The following ARHGEF3 variants were observed in gnomAD, a reference collection of about 807,000 sequenced individuals.
ARHGEF3 encodes Rho guanine nucleotide exchange factor 3, also known as 59.8 kDA protein.
Under a neutral mutation model 63.2 loss-of-function variants are expected in ARHGEF3, and 28 were observed. The observed-to-expected ratio is 0.44, with a 90% confidence interval of 0.33 to 0.61. The LOEUF (loss-of-function observed/expected upper bound fraction) is 0.61, where lower values mean the gene tolerates loss of function less well. Ranked by LOEUF, ARHGEF3 falls within the 20% of genes least tolerant of loss-of-function variation. ARHGEF3 has a pLI of 0.03. For synonymous variants in ARHGEF3, 266 were observed against 254.2 expected (o/e 1.05, Z -0.44); for missense variants, 533 against 659.3 (o/e 0.81, Z 2.10).
chr3:56,928,265 T>C (rs1261910156), intron 3 of ARHGEF3, among the ~76,000 whole-genome samples: 3 of 152,160 alleles, frequency 2.0e-5, no homozygotes, highest in East Asian at 1.9e-4. Flanking sequence ...TGCCACATCA[T>C]TGCCACCTTA....
At chr3:56,779,622 C>T (rs1184272455) in intron 1 of ARHGEF3, among the ~76,000 whole-genome samples, 1 of 152,198 alleles carries the variant, frequency 6.6e-6, no homozygotes, top group African/African-American at 2.4e-5. Context: ...ATTCCTGCTT[C>T]TGCCTCTTCC....
At chr3:57,006,534 TC>T (rs1267096176) in intron 2 of ARHGEF3, among the ~76,000 whole-genome samples, 1 of 152,142 alleles carries the variant, frequency 6.6e-6, no homozygotes, top group Non-Finnish European at 1.5e-5. Context: ...ACAGGCAGCA[TC>T]CGGGGTGATC....
intron 2 of ARHGEF3, among the ~76,000 whole-genome samples, chr3:57,022,650 T>C (rs1703305564): frequency 6.6e-6 from 1 of 151,780 alleles, no homozygotes; most frequent in South Asian, 2.1e-4. Context: ...AGGCACTTAT[T>C]TTGCCTAGGC....
intron 3 of ARHGEF3, among the ~76,000 whole-genome samples, chr3:56,919,270 CAT>C (rs1300562701): frequency 2.6e-5 from 4 of 152,222 alleles, no homozygotes; most frequent in Non-Finnish European, 5.9e-5. Flanking sequence ...GTATGGGCCA[CAT>C]AACACAGTTG....
chr3:56,744,397 C>CGTT, intron 7 of ARHGEF3, among the ~76,000 whole-genome samples: 1 of 124,478 alleles, frequency 8.0e-6, no homozygotes, highest in African/African-American at 3.3e-5. Flanking sequence ...CTCAATAAAC[C>CGTT]TTTTTTTTTT....
intron 2 of ARHGEF3, chr3:57,007,486 C>G (rs1294877024): frequency 1.5e-6 from 1 of 681,984 alleles, no homozygotes; most frequent in East Asian, 6.7e-5. Flanking sequence ...TGGTTTTCTG[C>G]AGAACCTCCT....
chr3:56,749,250 G>A (rs2034585523), intron 6 of ARHGEF3, among the ~76,000 whole-genome samples: 1 of 152,182 alleles, frequency 6.6e-6, no homozygotes, highest in African/African-American at 2.4e-5. Flanking sequence ...CAATGGGCCA[G>A]CATGGTCACA....
chr3:57,014,351 C>T (rs1261995620), intron 2 of ARHGEF3, among the ~76,000 whole-genome samples: 1 of 152,180 alleles, frequency 6.6e-6, no homozygotes, highest in African/African-American at 2.4e-5. Context: ...AGTGCACAGC[C>T]TTAACCACTA....
At chr3:56,964,342 G>C (rs1700401990) in intron 2 of ARHGEF3, among the ~76,000 whole-genome samples, 1 of 116,212 alleles carries the variant, frequency 8.6e-6, no homozygotes, top group Non-Finnish European at 1.7e-5. Context: ...GAAAGAGCAA[G>C]ACTGTCTCAA....
intron 2 of ARHGEF3, among the ~76,000 whole-genome samples, chr3:56,756,545 CTTTTT>C: frequency 1.0e-5 from 1 of 100,056 alleles, no homozygotes; most frequent in East Asian, 3.1e-4. Context: ...TCATAGCTGG[CTTTTT>C]TTTTTTTTTT....
chr3:56,964,683 CT>C (rs897219141), intron 2 of ARHGEF3, among the ~76,000 whole-genome samples: 3 of 151,890 alleles, frequency 2.0e-5, no homozygotes, highest in African/African-American at 7.3e-5. Flanking sequence ...TGGCAAATTG[CT>C]TTTTTTTAAG....
chr3:56,954,696 A>G (rs1216948099), intron 3 of ARHGEF3, among the ~76,000 whole-genome samples: 1 of 152,186 alleles, frequency 6.6e-6, no homozygotes, highest in African/African-American at 2.4e-5. Flanking sequence ...TTAGACAAGC[A>G]TGGGAACTGA....
chr3:56,744,844 C>T (rs1405677772), intron 7 of ARHGEF3, among the ~76,000 whole-genome samples: 4 of 151,668 alleles, frequency 2.6e-5, no homozygotes, highest in Non-Finnish European at 4.4e-5. Flanking sequence ...TGGGGCTAGG[C>T]TAAAAGGCAA....
At chr3:56,966,366 G>A (rs538327166) in intron 2 of ARHGEF3, among the ~76,000 whole-genome samples, 2 of 152,244 alleles carry the variant, frequency 1.3e-5, no homozygotes, top group Non-Finnish European at 2.9e-5. Context: ...TGATTACATA[G>A]CTGGGGTGGT....
rs368006965 is a variant in ARHGEF3 at position 56,906,975 on chromosome 3, A to ATTTTTTT, written c.130-24628_130-24622dup. Among the ~76,000 whole-genome samples the ATTTTTTT allele has an allele frequency of 1.2e-3, 90 of 72,246 alleles. 1 individual carries two copies. Among genetic ancestry groups the ATTTTTTT allele is most frequent in the East Asian group, 1.9e-3 (4 of 2,120 alleles). 47.4% of individuals were successfully genotyped at this position (72,246 alleles called of 152,430 possible). ...AAATCGCGATTGTGGCTCACATTCTATTTTTTTTTTTTTTTTTTTTTTTGA... is the reference window on the plus strand; with the variant it reads ...AAATCGCGATTGTGGCTCACATTCTATTTTTTTTTTTTTTTTTTTTTTTTTTTTTTGA... On this transcript the variant is annotated intron_variant, in intron 3 of 12. Transcript: ENST00000338458.
intron 2 of ARHGEF3, among the ~76,000 whole-genome samples, chr3:56,973,187 T>G (rs1407200537): frequency 6.6e-6 from 1 of 152,028 alleles, no homozygotes; most frequent in East Asian, 1.9e-4. Context: ...CGGCTAATTT[T>G]TTTGTATTTT....
At chr3:57,002,481 A>ATATATATATATATATATATATATATGT (rs1560122783) in intron 2 of ARHGEF3, among the ~76,000 whole-genome samples, 1 of 19,480 alleles carries the variant, frequency 5.1e-5, no homozygotes, top group African/African-American at 1.5e-4. Flanking sequence ...TATATATGTT[A>ATATATATATATATATATATATATATGT]TATATATATA....
chr3:56,938,449 T>C (rs995955188), intron 3 of ARHGEF3, among the ~76,000 whole-genome samples: 6 of 152,196 alleles, frequency 3.9e-5, no homozygotes, highest in Non-Finnish European at 7.3e-5. Flanking sequence ...TGATGTTACT[T>C]ATAATTAAGT....
chr3:56,838,839 G>C (rs1358299859), intron 4 of ARHGEF3, among the ~76,000 whole-genome samples: 1 of 152,124 alleles, frequency 6.6e-6, no homozygotes, highest in Admixed American at 6.6e-5. Context: ...ACGATAATTT[G>C]TATAACCTGG....
Sources: allele counts gnomAD v4.1 joint callset (sites outside exome capture counted in the v4.1 genomes callset), GRCh38; gene constraint gnomAD v4.1.1; transcripts MANE v1.5; gene names NCBI Gene and HGNC (gene_info 2026-07-23, HGNC 2026-07-21).